NRXN3: variants seen among roughly 807,000 people sequenced by gnomAD.
The protein encoded by NRXN3 is neurexin 3.
NRXN3 carries 32 observed loss-of-function variants against 137.6 expected under a neutral mutation model. The observed-to-expected ratio is 0.23, with a 90% CI of 0.18 to 0.31. NRXN3 has a LOEUF of 0.31. Among genes scored for constraint, NRXN3 ranks in the 10% least tolerant of loss-of-function variants. The pLI, the probability that NRXN3 is intolerant of heterozygous loss-of-function variation, is 1.00. For missense variants in NRXN3, 1,574 were observed against 2,062.5 expected, an observed-to-expected ratio of 0.76 and a Z score of 4.59; for synonymous variants, 798 against 784.5, an observed-to-expected ratio of 1.02 and a Z score of -0.29.
chr14:79,492,387 G>A (rs1441722240), intron 16 of NRXN3, among the ~76,000 whole-genome samples: 2 of 150,924 alleles, frequency 1.3e-5, no homozygotes, highest in African/African-American at 4.9e-5. Context: ...TTTTTTTTTG[G>A]TGGGCGGGGG....
chr14:78,267,712 T>C (rs957272268), intron 2 of NRXN3, among the ~76,000 whole-genome samples: 7 of 152,192 alleles, frequency 4.6e-5, no homozygotes, highest in African/African-American at 1.7e-4. Flanking sequence ...GTCCATCCTG[T>C]GGGGGCACTT....
At chr14:79,545,602 A>G (rs1038051768) in intron 16 of NRXN3, among the ~76,000 whole-genome samples, 2 of 151,776 alleles carry the variant, frequency 1.3e-5, no homozygotes, top group African/African-American at 4.8e-5. Flanking sequence ...ATTAGAATAT[A>G]TTGTATCTTT....
chr14:78,616,600 A>G (rs942310121), intron 4 of NRXN3, among the ~76,000 whole-genome samples: 4 of 152,174 alleles, frequency 2.6e-5, no homozygotes, highest in African/African-American at 9.7e-5. Flanking sequence ...GACAAGCCCT[A>G]TGCAGCTTTG....
chr14:79,599,787 G>A (rs1346735507), intron 16 of NRXN3, among the ~76,000 whole-genome samples: 3 of 152,186 alleles, frequency 2.0e-5, no homozygotes, highest in African/African-American at 7.2e-5. Context: ...CTGAGGTCAG[G>A]AGTTCAAGAC....
At chr14:78,830,935 A>G (rs2098979841) in intron 10 of NRXN3, among the ~76,000 whole-genome samples, 2 of 152,216 alleles carry the variant, frequency 1.3e-5, no homozygotes, top group African/African-American at 4.8e-5. Context: ...TCAAATGCTT[A>G]GCAAATATTT....
At chr14:79,654,376 A>G (rs2098494378) in intron 16 of NRXN3, among the ~76,000 whole-genome samples, 1 of 152,184 alleles carries the variant, frequency 6.6e-6, no homozygotes. Context: ...AAGTTCCACA[A>G]CGAACAGGGG....
At chr14:78,810,390 C>A (rs4133797) in intron 10 of NRXN3, 46 bp downstream of exon 10, 707,997 of 820,516 alleles carry the variant, frequency 0.86, 297,774 homozygotes, top group African/African-American at 0.93. Context: ...AAAAAAAAAA[C>A]AAAACTGACT....
intron 10 of NRXN3, among the ~76,000 whole-genome samples, chr14:78,840,509 C>T (rs912399858): frequency 6.6e-6 from 1 of 152,170 alleles, no homozygotes; most frequent in East Asian, 1.9e-4. Context: ...AACAAGCCAA[C>T]CCCATACCTC....
intron 19 of NRXN3, among the ~76,000 whole-genome samples, chr14:79,773,500 T>C (rs1434603173): frequency 6.6e-6 from 1 of 151,620 alleles, no homozygotes; most frequent in Non-Finnish European, 1.5e-5. Context: ...AAATTGGAAA[T>C]CATCATTCTC....
chr14:78,687,726 G>A (rs557847143), intron 6 of NRXN3, among the ~76,000 whole-genome samples: 1 of 152,298 alleles, frequency 6.6e-6, no homozygotes, highest in African/African-American at 2.4e-5. Context: ...ATTGAAAAGG[G>A]ATAAATAAAA....
At chr14:78,477,047 C>T (rs2095391909) in intron 4 of NRXN3, among the ~76,000 whole-genome samples, 1 of 152,190 alleles carries the variant, frequency 6.6e-6, no homozygotes, top group South Asian at 2.1e-4. Context: ...AACCCCTGTC[C>T]ATACAGGAAC....
intron 15 of NRXN3, among the ~76,000 whole-genome samples, chr14:79,213,513 G>A (rs1487050423): frequency 1.3e-5 from 2 of 151,520 alleles, no homozygotes; most frequent in African/African-American, 2.4e-5. Context: ...ACAATTAAAA[G>A]AACAAGGAAG....
intron 10 of NRXN3, among the ~76,000 whole-genome samples, chr14:78,912,211 G>A (rs2099240777): frequency 6.6e-6 from 1 of 150,830 alleles, no homozygotes; most frequent in East Asian, 2.0e-4. Context: ...GAGAATGATG[G>A]TTTCCAGCTT....
chr14:79,094,498 G>A (rs1025424889), intron 15 of NRXN3, among the ~76,000 whole-genome samples: 8 of 152,110 alleles, frequency 5.3e-5, no homozygotes. Flanking sequence ...CCTCTTACTC[G>A]GTCTAAAGTC....
At chr14:79,527,878 AAAAAAAAAAAAAG>A (rs1351464156) in intron 16 of NRXN3, among the ~76,000 whole-genome samples, 1 of 149,412 alleles carries the variant, frequency 6.7e-6, no homozygotes, top group African/African-American at 2.5e-5. Context: ...CGCCAAAAAA[AAAAAAAAAAAAAG>A]AAAGAAAAAA....
chr14:79,169,603 A>G (rs1271139803), intron 15 of NRXN3, among the ~76,000 whole-genome samples: 1 of 152,056 alleles, frequency 6.6e-6, no homozygotes, highest in Non-Finnish European at 1.5e-5. Context: ...AACTTAGCCT[A>G]TCTTTATGGC....
At chr14:79,785,762 C>T (rs373236473) in intron 19 of NRXN3, among the ~76,000 whole-genome samples, 46 of 152,272 alleles carry the variant, frequency 3.0e-4, no homozygotes, top group Middle Eastern at 3.4e-3. Context: ...GGTGAGTCAT[C>T]AACCTTGGCA....
intron 15 of NRXN3, among the ~76,000 whole-genome samples, chr14:79,217,141 A>AAAAG (rs34660488): frequency 0.37 from 55,659 of 149,558 alleles, 10,421 homozygotes; most frequent in East Asian, 0.5. Flanking sequence ...TGTCTCAAAA[A>AAAAG]AAAGAAAGAA....
chr14:79,304,900 C>A (rs2085781072), intron 15 of NRXN3, among the ~76,000 whole-genome samples: 1 of 151,992 alleles, frequency 6.6e-6, no homozygotes, highest in South Asian at 2.1e-4. Context: ...GTGCTAAAGG[C>A]AAACATGTAT....
Sources: allele counts gnomAD v4.1 joint callset (sites outside exome capture counted in the v4.1 genomes callset), GRCh38; gene constraint gnomAD v4.1.1; transcripts MANE v1.5; gene names NCBI Gene and HGNC (gene_info 2026-07-23, HGNC 2026-07-21).